Variants in PCLO observed in about 807,000 individuals in gnomAD.
PCLO encodes the protein protein piccolo.
A neutral mutation model predicts 427.5 loss-of-function variants in PCLO; 82 were observed. That is an observed-to-expected ratio of 0.19 (90% CI 0.16 to 0.23). PCLO has a LOEUF of 0.23. Ranked by LOEUF, PCLO falls within the 10% of genes least tolerant of loss-of-function variation. The probability of loss-of-function intolerance (pLI) is 1.00; values close to 1 mark genes in which losing one functional copy is unlikely to be tolerated. For synonymous variants in PCLO, 2,357 were observed against 2,155.4 expected, an observed-to-expected ratio of 1.09 and a Z score of -2.59; for missense variants, 6,239 against 6,115.9, an observed-to-expected ratio of 1.02 and a Z score of -0.67.
chr7:82,973,857 T>C (rs1373196282), intron 3 of PCLO, among the ~76,000 whole-genome samples: 1 of 152,154 alleles, frequency 6.6e-6, no homozygotes, highest in Non-Finnish European at 1.5e-5. Context: ...ATACTCTTGA[T>C]TGATACTCTT....
intron 2 of PCLO, among the ~76,000 whole-genome samples, chr7:83,149,543 T>A (rs1792078216): frequency 6.6e-6 from 1 of 151,246 alleles, no homozygotes; most frequent in Admixed American, 6.6e-5. Context: ...AATTTAAGCT[T>A]AAAAAAAAAG....
At chr7:82,794,450 A>ATTTTTTTTTTTTTTTTTTTTTT (rs141105612) in intron 22 of PCLO, among the ~76,000 whole-genome samples, 1 of 62,030 alleles carries the variant, frequency 1.6e-5, no homozygotes, top group Non-Finnish European at 3.9e-5. Flanking sequence ...TAGTTCATAA[A>ATTTTTTTTTTTTTTTTTTTTTT]TTTTTTTTCT....
intron 10 of PCLO, among the ~76,000 whole-genome samples, chr7:82,864,021 A>G (rs1305444480): frequency 6.6e-6 from 1 of 152,088 alleles, no homozygotes; most frequent in East Asian, 1.9e-4. Flanking sequence ...AAACCCCCAT[A>G]GTTTTAGAAA....
At chr7:82,920,393 C>A (rs1053379450) in intron 6 of PCLO, among the ~76,000 whole-genome samples, 3 of 151,434 alleles carry the variant, frequency 2.0e-5, no homozygotes, top group Admixed American at 6.6e-5. Flanking sequence ...TTCAGATAGA[C>A]CTGGTGCCTT....
chr7:83,162,820 C>A lies in PCLO; in HGVS notation c.-228G>T, dbSNP rs1247771204. The A allele has an allele frequency of 3.4e-6, 2 of 581,716 alleles. No homozygotes were observed. Among genetic ancestry groups the A allele is most frequent in the Non-Finnish European group, 5.9e-6 (2 of 339,698 alleles). 36.0% of individuals were successfully genotyped at this position (581,716 alleles called of 1,614,324 possible). A position where few individuals can be genotyped will look rare whatever the true frequency, so the allele number is the denominator to read the frequency against. On this transcript the variant is annotated 5_prime_UTR_variant, in exon 1 of 25. Transcript: ENST00000333891. ...CTCCTCCATGTTGGACAGCGCCAGG[C>A]AACCTTTGCAGAAGACACCTCCCGG...
At chr7:82,964,180 G>C (rs559947973) in intron 4 of PCLO, among the ~76,000 whole-genome samples, 1 of 152,170 alleles carries the variant, frequency 6.6e-6, no homozygotes, top group Non-Finnish European at 1.5e-5. Flanking sequence ...GTGCCCTGAG[G>C]AACAGGAGTT....
intron 10 of PCLO, among the ~76,000 whole-genome samples, chr7:82,878,470 C>T (rs80061163): frequency 1.8e-3 from 270 of 152,180 alleles, no homozygotes; most frequent in African/African-American, 5.8e-3. Flanking sequence ...TACTTTGTGA[C>T]AATGTTCATT....
chr7:82,954,458 G>C lies in PCLO; in HGVS notation c.6495C>G (p.Thr2165=). Residue 2165 remains threonine, a synonymous_variant, in exon 5 of 25, where the codon ACC becomes ACG. Transcript: ENST00000333891. ...EIIAHESLIL[T]YSEPSESATS... ...TAGCACTTTCTGAAGGCTCCGAGTA[G>C]GTCAAAATCAGCGATTCATGGGCAA... The C allele has an allele frequency of 6.2e-7, 1 of 1,613,916 alleles. No individual in the cohort carries two copies. Among genetic ancestry groups the C allele is most frequent in the African/African-American group, 1.3e-5 (1 of 75,020 alleles).
At chr7:83,044,428 T>G (rs1434317921) in intron 3 of PCLO, among the ~76,000 whole-genome samples, 1 of 152,226 alleles carries the variant, frequency 6.6e-6, no homozygotes, top group Non-Finnish European at 1.5e-5. Context: ...GCTAGCACTT[T>G]CCACATAGCA....
intron 3 of PCLO, among the ~76,000 whole-genome samples, chr7:82,968,517 C>CTTTTTTTTTTTTTTTTTTTTTTTTTT (rs11324005): frequency 4.1e-5 from 3 of 73,228 alleles, no homozygotes; most frequent in African/African-American, 1.4e-4. Flanking sequence ...CAGAGTCTGA[C>CTTTTTTTTTTTTTTTTTTTTTTTTTT]TTTTTTTTTT....
At chr7:82,802,650 AT>A (rs1791379104) in intron 21 of PCLO, among the ~76,000 whole-genome samples, 1 of 152,176 alleles carries the variant, frequency 6.6e-6, no homozygotes, top group South Asian at 2.1e-4. Flanking sequence ...ACAAAAGAGC[AT>A]CTTGATACTG....
At position 82,870,118 on chromosome 7, in the gene PCLO, G is replaced by T. The variant is rs145941365; in HGVS notation, c.13654+9219C>A. The stretch of plus-strand genomic sequence containing the variant: ...TAATAGTTGAGTGGAACCACAAAAG[G>T]CCCTGAATAGACAAAGCAATCTTAA... On this transcript the variant is annotated intron_variant, in intron 10 of 24. Transcript: ENST00000333891. 7.4e-3 allele frequency among the ~76,000 whole-genome samples: 1,122 copies of T among 151,866 alleles called. 17 individuals carry two copies. Among genetic ancestry groups the T allele is most frequent in the African/African-American group, 0.025 (1,049 of 41,478 alleles).
intron 3 of PCLO, among the ~76,000 whole-genome samples, chr7:83,114,140 T>G (rs1425543378): frequency 6.6e-6 from 1 of 152,156 alleles, no homozygotes; most frequent in African/African-American, 2.4e-5. Flanking sequence ...GCCATTCACC[T>G]AAATGCTGCT....
At chr7:83,094,498 T>C (rs550428092) in intron 3 of PCLO, among the ~76,000 whole-genome samples, 2 of 152,312 alleles carry the variant, frequency 1.3e-5, no homozygotes, top group East Asian at 3.9e-4. Context: ...TGAGCCACTG[T>C]GTCTGGCCTA....
chr7:83,100,139 T>C (rs1021621368), intron 3 of PCLO, among the ~76,000 whole-genome samples: 1 of 152,030 alleles, frequency 6.6e-6, no homozygotes, highest in Non-Finnish European at 1.5e-5. Flanking sequence ...ATAATATAAT[T>C]GGCAAAAAAA....
Position 82,916,821 on chromosome 7 carries a change from C to A in PCLO, c.11165G>T (p.Arg3722Ile). The A allele has an allele frequency of 6.2e-7, 1 of 1,613,392 alleles. No individual in the cohort carries two copies. The highest frequency in any genetic ancestry group is 8.5e-7 in the Non-Finnish European group (1 of 1,179,522). ...CTCAGGAGGTGGATTTGGCAGAGTTCTTTTAACTTTTTTCTGGGCTCCAGA... is the reference window on the plus strand; with the variant it reads ...CTCAGGAGGTGGATTTGGCAGAGTTATTTTAACTTTTTTCTGGGCTCCAGA... ...TSSGAQKKVK[R>I]TLPNPPPEEI... Residue 3722 changes from arginine to isoleucine, a missense_variant, in exon 7 of 25, where the codon AGA becomes ATA. Transcript: ENST00000333891.
chr7:83,060,846 T>C (rs1009796794), intron 3 of PCLO, among the ~76,000 whole-genome samples: 2 of 152,230 alleles, frequency 1.3e-5, no homozygotes, highest in Admixed American at 1.3e-4. Context: ...TATTACTTTC[T>C]GATGGGTGAT....
intron 15 of PCLO, 77 bp from the exon 16 acceptor site, chr7:82,835,770 A>G: frequency 9.3e-7 from 1 of 1,076,454 alleles, no homozygotes; most frequent in South Asian, 1.4e-5. Context: ...AGTTAGGAAC[A>G]GAAATAAGAA....
intron 6 of PCLO, among the ~76,000 whole-genome samples, chr7:82,933,533 C>T (rs1384154973): frequency 6.6e-6 from 1 of 151,826 alleles, no homozygotes; most frequent in Non-Finnish European, 1.5e-5. Context: ...GCTAAAGCAA[C>T]AAATGCAGGG....
Sources: gnomAD v4.1 joint callset for allele counts (sites outside exome capture counted in the v4.1 genomes callset) on GRCh38, gnomAD v4.1.1 for gene constraint, MANE v1.5 for transcripts, NCBI Gene and HGNC (gene_info 2026-07-23, HGNC 2026-07-21) for gene names.